ALX4: variants seen among roughly 807,000 people sequenced by gnomAD.
ALX4 encodes the protein ALX homeobox 4.
ALX4 carries 22 observed loss-of-function variants against 40.6 expected under a neutral mutation model. The ratio of observed to expected loss-of-function variants is 0.54; its 90% CI spans 0.39 to 0.77. The LOEUF (loss-of-function observed/expected upper bound fraction) is 0.77. ALX4 is among the 30% of genes least tolerant of loss of function. ALX4 has a pLI of 0.00. For missense variants in ALX4, 556 were observed against 564.8 expected, an observed-to-expected ratio of 0.98 and a Z score of 0.16; for synonymous variants, 266 against 240.5, an observed-to-expected ratio of 1.11 and a Z score of -0.98.
intron 1 of ALX4, among the ~76,000 whole-genome samples, chr11:44,309,232 GC>G (rs1565013161): frequency 1.6e-5 from 1 of 64,306 alleles, no homozygotes; most frequent in African/African-American, 4.4e-5. Flanking sequence ...GCAGCCCAGC[GC>G]CAGAGCGCTG....
chr11:44,309,961 A>C lies in ALX4; in HGVS notation c.102T>G (p.Phe34Leu). ...ACTTGTCGCCTCCGGGAAATGCCCT[A>C]AAAGGCGACGAGCCCTCCCGACTCT... Reference protein sequence around the residue: ...VSQSREGSSPFRAFPGGDKFG... With the variant: ...VSQSREGSSPLRAFPGGDKFG... Residue 34 changes from phenylalanine to leucine, a missense_variant, in exon 1 of 4, where the codon TTT becomes TTG. Phe to Leu is a conservative substitution (Grantham distance 22). Coordinates refer to ENST00000652299, the MANE Select transcript of ALX4 (RefSeq NM_021926.4). 1 of 1,594,664 alleles carries C rather than the reference A, an allele frequency of 6.3e-7. No individual in the cohort carries two copies. The highest frequency in any genetic ancestry group is 8.5e-7 in the Non-Finnish European group (1 of 1,170,552).
intron 1 of ALX4, among the ~76,000 whole-genome samples, chr11:44,304,801 C>A (rs1363965692): frequency 6.6e-6 from 1 of 152,216 alleles, no homozygotes; most frequent in African/African-American, 2.4e-5. Flanking sequence ...CAGAGTCCTC[C>A]GGGACTTCGC....
intron 1 of ALX4, among the ~76,000 whole-genome samples, chr11:44,306,256 G>A (rs1377651989): frequency 2.6e-5 from 4 of 152,266 alleles, no homozygotes; most frequent in Admixed American, 1.3e-4. Flanking sequence ...TTTGGGGAAA[G>A]GAAGGCCCAA....
chr11:44,271,585 A>T (rs1956247669), intron 2 of ALX4, among the ~76,000 whole-genome samples: 1 of 151,782 alleles, frequency 6.6e-6, no homozygotes, highest in African/African-American at 2.4e-5. Flanking sequence ...CTTAGCCTAA[A>T]TTTTTTTTTA....
intron 1 of ALX4, among the ~76,000 whole-genome samples, chr11:44,285,341 C>T (rs1354006250): frequency 2.0e-5 from 3 of 152,220 alleles, no homozygotes; most frequent in Non-Finnish European, 4.4e-5. Context: ...CCACACCATC[C>T]TTAATGGTTA....
intron 1 of ALX4, among the ~76,000 whole-genome samples, chr11:44,300,718 G>A (rs1261987889): frequency 6.6e-6 from 1 of 152,198 alleles, no homozygotes; most frequent in Non-Finnish European, 1.5e-5. Flanking sequence ...AAATGGAGTG[G>A]CACTAGAGAA....
Position 44,261,429 on chromosome 11 carries a change from CTT to C in ALX4, c.*3423_*3424del, listed in dbSNP as rs1956181813. 1 of 152,236 alleles carries C rather than the reference CTT, an allele frequency of 6.6e-6. No homozygotes were observed. Among genetic ancestry groups the C allele is most frequent in the African/African-American group, 2.4e-5 (1 of 41,446 alleles). 9.4% of individuals were successfully genotyped at this position (152,236 alleles called of 1,614,324 possible). Reference sequence around the variant, plus strand: ...TGCTGCACCTACCCCATCGCAGTGTCTTTGAGCTAACCTGGCCACCGTGCTTC... The same window carrying C: ...TGCTGCACCTACCCCATCGCAGTGTCTGAGCTAACCTGGCCACCGTGCTTC... On this transcript the variant is annotated 3_prime_UTR_variant, in exon 4 of 4. Coordinates refer to ENST00000652299, the MANE Select transcript of ALX4 (RefSeq NM_021926.4).
chr11:44,290,433 T>C (rs1956362781), intron 1 of ALX4, among the ~76,000 whole-genome samples: 1 of 152,128 alleles, frequency 6.6e-6, no homozygotes, highest in Non-Finnish European at 1.5e-5. Context: ...TTCCAGGTGG[T>C]GAAAATATAA....
intron 1 of ALX4, among the ~76,000 whole-genome samples, chr11:44,287,254 AG>A (rs1425317841): frequency 6.6e-6 from 1 of 152,318 alleles, no homozygotes; most frequent in South Asian, 2.1e-4. Flanking sequence ...CCCAGAGTCC[AG>A]GAACGAAAAG....
chr11:44,300,563 C>CA (rs1956429069), intron 1 of ALX4, among the ~76,000 whole-genome samples: 1 of 152,144 alleles, frequency 6.6e-6, no homozygotes, highest in Non-Finnish European at 1.5e-5. Context: ...CTAGCACCCT[C>CA]AAAGGGTATA....
intron 1 of ALX4, among the ~76,000 whole-genome samples, chr11:44,301,820 T>A (rs1198404382): frequency 6.6e-6 from 1 of 152,008 alleles, no homozygotes; most frequent in East Asian, 1.9e-4. Flanking sequence ...CTAAATGGGG[T>A]CAGCAGTGGG....
intron 1 of ALX4, among the ~76,000 whole-genome samples, chr11:44,291,779 A>G (rs1956370832): frequency 6.6e-6 from 1 of 151,970 alleles, no homozygotes; most frequent in African/African-American, 2.4e-5. Flanking sequence ...ACCAACATCA[A>G]ATCTTTTCTT....
At position 44,306,006 on chromosome 11, in the gene ALX4, C is replaced by T. The variant is rs11826116; in HGVS notation, c.466+3591G>A. On this transcript the variant is annotated intron_variant, in intron 1 of 3. Transcript: ENST00000652299. ...CCTGCCCTGAGTACAGGGAGGCTCT[C>T]TGCGTCGCTGAGAAACGTCGGATCT... Among the ~76,000 whole-genome samples, 550 of 152,352 alleles carry T rather than the reference C, an allele frequency of 3.6e-3. 3 individuals carry two copies. Among genetic ancestry groups the T allele is most frequent in the African/African-American group, 0.013 (524 of 41,604 alleles).
At chr11:44,297,380 C>A (rs1956408704) in intron 1 of ALX4, among the ~76,000 whole-genome samples, 1 of 152,182 alleles carries the variant, frequency 6.6e-6, no homozygotes, top group South Asian at 2.1e-4. Flanking sequence ...TTGCTCAGAG[C>A]CCTCCAGTGG....
chr11:44,306,466 G>A (rs1170632703), intron 1 of ALX4, among the ~76,000 whole-genome samples: 1 of 152,252 alleles, frequency 6.6e-6, no homozygotes, highest in East Asian at 1.9e-4. Flanking sequence ...AGAAGTTGAG[G>A]CCCAGGAAGA....
At chr11:44,286,616 A>C (rs1017102408) in intron 1 of ALX4, among the ~76,000 whole-genome samples, 1 of 152,184 alleles carries the variant, frequency 6.6e-6, no homozygotes, top group African/African-American at 2.4e-5. Flanking sequence ...TTTGCCACTC[A>C]AGCAGTAATT....
chr11:44,275,198 G>A, intron 2 of ALX4, 150 bp downstream of exon 2: 1 of 786,596 alleles, frequency 1.3e-6, no homozygotes, highest in East Asian at 2.7e-5. Flanking sequence ...TGAGGGGCAG[G>A]CTAGGAGCCC....
intron 3 of ALX4, 91 bp from the exon 4 acceptor site, chr11:44,265,274 C>T (rs1956207043): frequency 8.4e-7 from 1 of 1,186,744 alleles, no homozygotes; most frequent in Non-Finnish European, 1.2e-6. Context: ...TCTCCCCTCA[C>T]TGTCCATCCT....
At chr11:44,268,370 C>A (rs556286673) in intron 2 of ALX4, among the ~76,000 whole-genome samples, 1 of 152,164 alleles carries the variant, frequency 6.6e-6, no homozygotes, top group African/African-American at 2.4e-5. Context: ...TCGCAGGGGG[C>A]CTTGACTGCC....
Sources: gnomAD v4.1 joint callset for allele counts (sites outside exome capture counted in the v4.1 genomes callset) on GRCh38, gnomAD v4.1.1 for gene constraint, MANE v1.5 for transcripts, NCBI Gene and HGNC (gene_info 2026-07-23, HGNC 2026-07-21) for gene names.